Variants in SUMF1 observed in about 807,000 individuals in gnomAD.
SUMF1 encodes formylglycine-generating enzyme.
Under a neutral mutation model 47.6 loss-of-function variants are expected in SUMF1, and 48 were observed. The observed-to-expected ratio is 1.01, with a 90% CI of 0.80 to 1.28. The LOEUF (loss-of-function observed/expected upper bound fraction) is 1.28, where lower values mean the gene tolerates loss of function less well. SUMF1 is among the 50% of genes most tolerant of loss of function. The probability of loss-of-function intolerance (pLI) is 0.00; values close to 1 mark genes in which losing one functional copy is unlikely to be tolerated. For missense variants in SUMF1, 571 were observed against 485.4 expected (o/e 1.18, Z -1.66); for synonymous variants, 230 against 192.1 (o/e 1.20, Z -1.63).
At chr3:4,100,501 T>C (rs949357881) in intron 8 of SUMF1, among the ~76,000 whole-genome samples, 1 of 152,010 alleles carries the variant, frequency 6.6e-6, no homozygotes, top group Non-Finnish European at 1.5e-5. Flanking sequence ...ATGTCCTTCA[T>C]CTCACTCTTA....
intron 8 of SUMF1, among the ~76,000 whole-genome samples, chr3:4,254,657 T>TTA (rs1696901078): frequency 1.6e-5 from 1 of 62,406 alleles, no homozygotes; most frequent in Non-Finnish European, 4.9e-5. Context: ...CTGAAAGTGA[T>TTA]GGGGAGAATG....
intron 8 of SUMF1, among the ~76,000 whole-genome samples, chr3:4,333,825 T>A (rs1224575977): frequency 6.6e-6 from 1 of 152,108 alleles, no homozygotes; most frequent in African/African-American, 2.4e-5. Context: ...ACATAATTTT[T>A]TTTTTTTTTA....
chr3:4,328,144 T>C (rs546289941), intron 8 of SUMF1, among the ~76,000 whole-genome samples: 18 of 152,258 alleles, frequency 1.2e-4, no homozygotes, highest in African/African-American at 4.3e-4. Context: ...TGTGAGTCTG[T>C]AGGTTCAGGC....
At chr3:4,228,352 AG>A (rs1696219312) in intron 8 of SUMF1, among the ~76,000 whole-genome samples, 2 of 152,000 alleles carry the variant, frequency 1.3e-5, no homozygotes, top group African/African-American at 4.8e-5. Context: ...TGCTGCATTC[AG>A]CTAACTCTGG....
chr3:4,354,320 A>G (rs1428711936), intron 8 of SUMF1, among the ~76,000 whole-genome samples: 1 of 152,072 alleles, frequency 6.6e-6, no homozygotes, highest in African/African-American at 2.4e-5. Context: ...TGAAGACACC[A>G]CAGAAAACCT....
chr3:4,143,985 TC>T (rs1380923965), intron 8 of SUMF1, among the ~76,000 whole-genome samples: 15 of 87,892 alleles, frequency 1.7e-4, no homozygotes, highest in African/African-American at 2.4e-4. Context: ...CTGTCTTCTC[TC>T]TCTTTTTTTT....
intron 8 of SUMF1, among the ~76,000 whole-genome samples, chr3:4,070,662 G>C (rs759354464): frequency 4.1e-4 from 62 of 151,498 alleles, no homozygotes; most frequent in Non-Finnish European, 7.9e-4. Flanking sequence ...TTTAGGCAGA[G>C]TCTCACTCTG....
chr3:4,303,634 C>G, intron 8 of SUMF1: 1 of 1,418,656 alleles, frequency 7.0e-7, no homozygotes, highest in African/African-American at 1.5e-5. Context: ...TTTGTCTTCT[C>G]TTACAGCGCA....
In SUMF1 at chr3:4,457,076, G is replaced by A. The variant is rs900138422; in HGVS notation, c.271-4027C>T. 1.4e-4 allele frequency among the ~76,000 whole-genome samples: 16 copies of A among 112,380 alleles called. 1 individual carries two copies. Among genetic ancestry groups the A allele is most frequent in the Admixed American group, 3.7e-4 (4 of 10,908 alleles). The allele number at this position is 112,380 out of a possible 152,430, so 73.7% of individuals were successfully genotyped here. On this transcript the variant is annotated intron_variant, in intron 1 of 8. Coordinates refer to ENST00000272902, the MANE Select transcript of SUMF1 (RefSeq NM_182760.4). ...CGTGTGTGTATATATATATATATACGTGTGTGTATATATATATATTTTTTT... is the reference window on the plus strand; with the variant it reads ...CGTGTGTGTATATATATATATATACATGTGTGTATATATATATATTTTTTT...
At chr3:4,359,839 T>A (rs924705631), downstream of SUMF1, among the ~76,000 whole-genome samples, 1 of 151,632 alleles carries the variant, frequency 6.6e-6, no homozygotes, top group Non-Finnish European at 1.5e-5. Flanking sequence ...AGTCAAACCA[T>A]CTCAGTTGCC....
chr3:4,200,923 T>C (rs1407152386), intron 8 of SUMF1, among the ~76,000 whole-genome samples: 1 of 152,132 alleles, frequency 6.6e-6, no homozygotes, highest in African/African-American at 2.4e-5. Flanking sequence ...TAATACCACA[T>C]TGTCTTACTA....
At chr3:4,271,101 A>G (rs903140778) in intron 8 of SUMF1, among the ~76,000 whole-genome samples, 1 of 152,220 alleles carries the variant, frequency 6.6e-6, no homozygotes, top group Non-Finnish European at 1.5e-5. Flanking sequence ...AAAGTCACTG[A>G]AAGTGCTATA....
chr3:4,124,870 C>G (rs1014337186), intron 8 of SUMF1, among the ~76,000 whole-genome samples: 7 of 150,878 alleles, frequency 4.6e-5, no homozygotes, highest in African/African-American at 1.7e-4. Context: ...CTAATATACA[C>G]TTATATACTC....
At chr3:4,255,168 T>A (rs28837439) in intron 8 of SUMF1, among the ~76,000 whole-genome samples, 45,982 of 135,070 alleles carry the variant, frequency 0.34, 8,408 homozygotes, top group Non-Finnish European at 0.42. Flanking sequence ...TCATGCCAAA[T>A]TGTAAAGACC....
intron 8 of SUMF1, among the ~76,000 whole-genome samples, chr3:4,156,305 C>T (rs1694450655): frequency 6.6e-6 from 1 of 151,572 alleles, no homozygotes; most frequent in Non-Finnish European, 1.5e-5. Context: ...TTCTCTCCAT[C>T]TCCTGCCAAC....
intron 3 of SUMF1, among the ~76,000 whole-genome samples, chr3:4,425,612 T>C (rs746617254): frequency 1.3e-5 from 2 of 152,104 alleles, no homozygotes; most frequent in Non-Finnish European, 2.9e-5. Context: ...TCCAAAGACT[T>C]CTCAAGAAGA....
chr3:4,341,830 T>A (rs1699278463), intron 8 of SUMF1, among the ~76,000 whole-genome samples: 1 of 152,218 alleles, frequency 6.6e-6, no homozygotes, highest in African/African-American at 2.4e-5. Context: ...TCACAAAATA[T>A]CAAACGCTAT....
intron 8 of SUMF1, among the ~76,000 whole-genome samples, chr3:4,253,214 GC>G (rs1359090307): frequency 6.6e-6 from 1 of 152,136 alleles, no homozygotes; most frequent in African/African-American, 2.4e-5. Context: ...GATGAACCTT[GC>G]TTTTTTCTCT....
chr3:4,212,394 G>C (rs1695819352), intron 8 of SUMF1, among the ~76,000 whole-genome samples: 1 of 151,820 alleles, frequency 6.6e-6, no homozygotes, highest in Admixed American at 6.6e-5. Context: ...TCCACTCAAA[G>C]ACCCTATCCG....
Sources: gnomAD v4.1 joint callset for allele counts (sites outside exome capture counted in the v4.1 genomes callset) on GRCh38, gnomAD v4.1.1 for gene constraint, MANE v1.5 for transcripts, NCBI Gene and HGNC (gene_info 2026-07-23, HGNC 2026-07-21) for gene names.